KIFAP3: variants seen among roughly 807,000 people sequenced by gnomAD.
KIFAP3 encodes kinesin-associated protein 3.
In KIFAP3, 68 loss-of-function variants were observed where a neutral mutation model predicts 106.5. The ratio of observed to expected loss-of-function variants is 0.64; its 90% CI spans 0.53 to 0.78. KIFAP3 has a LOEUF of 0.78. KIFAP3 is among the 30% of genes least tolerant of loss of function. The pLI is 0.00. For missense variants in KIFAP3, 780 were observed against 941.8 expected (o/e 0.83, Z 2.25); for synonymous variants, 320 against 311.5 (o/e 1.03, Z -0.29).
chr1:169,956,793 C>T (rs773210026), intron 18 of KIFAP3, among the ~76,000 whole-genome samples: 72 of 151,946 alleles, frequency 4.7e-4, no homozygotes, highest in Non-Finnish European at 7.1e-4. Flanking sequence ...GTTGTAGAGA[C>T]GGGGTATTTC....
chr1:169,978,266 G>A lies in KIFAP3; in HGVS notation c.1799-83C>T, dbSNP rs1281090846. 5.8e-6 allele frequency: 5 copies of A among 864,058 alleles called. No individual in the cohort carries two copies. The Admixed American group carries it at 6.5e-5, about 11-fold the overall frequency. 53.5% of individuals were successfully genotyped at this position (864,058 alleles called of 1,614,324 possible). A position where few individuals can be genotyped will look rare whatever the true frequency, so the allele number is the denominator to read the frequency against. ...ATAATTGAGGGGAATAATATAGAAC[G>A]AGAAAAACTAAAAGTGATAAGGAGA... On this transcript the variant is annotated intron_variant, in intron 15 of 19. Coordinates refer to ENST00000361580, the MANE Select transcript of KIFAP3 (RefSeq NM_014970.4).
chr1:170,039,151 T>G, intron 4 of KIFAP3, 82 bp downstream of exon 4: 1 of 716,102 alleles, frequency 1.4e-6, no homozygotes, highest in Non-Finnish European at 2.3e-6. Flanking sequence ...ATGTGCTTAA[T>G]GTGATTGTGT....
At chr1:170,059,462 G>C (rs990152945) in intron 1 of KIFAP3, among the ~76,000 whole-genome samples, 2 of 152,106 alleles carry the variant, frequency 1.3e-5, no homozygotes, top group African/African-American at 4.8e-5. Context: ...ACTAAACCAG[G>C]AAGAAGGTGA....
chr1:170,034,633 C>T (rs1669584067), intron 6 of KIFAP3, 137 bp from the exon 7 acceptor site: 3 of 432,550 alleles, frequency 6.9e-6, no homozygotes, highest in Non-Finnish European at 1.2e-5. Flanking sequence ...AATATATCCA[C>T]AATACACTAG....
Position 170,016,494 on chromosome 1 carries a change from A to G in KIFAP3, c.1151T>C (p.Val384Ala), listed in dbSNP as rs369373148. The G allele has an allele frequency of 6.2e-6, 10 of 1,608,086 alleles. No individual in the cohort carries two copies. Among genetic ancestry groups the G allele is most frequent in the South Asian group, 1.1e-5 (1 of 89,832 alleles). Residue 384 changes from valine to alanine, a missense_variant, in exon 10 of 20, where the codon GTT (valine) becomes GCT (alanine). Transcript: ENST00000361580. ...DTGLRNKMVQ[V>A]GLLPKLTALL... ...TGCAGTGAGCTTGGGAAGCAGTCCA[A>G]CTTGTACCATCTTATTCCTCAGTCC...
chr1:169,982,879 A>G lies in KIFAP3; in HGVS notation c.1507-12T>C, dbSNP rs750618467. The G allele has an allele frequency of 2.3e-6, 3 of 1,282,302 alleles. No individual in the cohort carries two copies. The highest frequency in any genetic ancestry group is 3.1e-6 in the Non-Finnish European group (3 of 976,240). The allele number at this position is 1,282,302 out of a possible 1,614,324, so 79.4% of individuals were successfully genotyped here. ...TCCCCAACATAATCCTGAATAAAAC[A>G]TAATTTTAATATAAATTTAAATTAT... is the stretch of plus-strand genomic sequence containing the variant. On this transcript the variant is annotated splice_polypyrimidine_tract_variant and intron_variant, in intron 13 of 19. Transcript: ENST00000361580.
At chr1:169,936,154 A>G (rs1011752313) in intron 19 of KIFAP3, among the ~76,000 whole-genome samples, 3 of 151,920 alleles carry the variant, frequency 2.0e-5, no homozygotes, top group Non-Finnish European at 1.5e-5. Flanking sequence ...ATCAATAGCT[A>G]TGATGTCAGT....
At chr1:170,015,754 T>C (rs1471425593) in intron 10 of KIFAP3, among the ~76,000 whole-genome samples, 1 of 152,094 alleles carries the variant, frequency 6.6e-6, no homozygotes, top group Admixed American at 6.6e-5. Context: ...CCCATAAAGA[T>C]GGAAATTGAA....
At chr1:170,069,638 T>C (rs1353207462) in intron 1 of KIFAP3, among the ~76,000 whole-genome samples, 1 of 152,046 alleles carries the variant, frequency 6.6e-6, no homozygotes, top group Non-Finnish European at 1.5e-5. Context: ...AAGTACTTGA[T>C]AAATTAGGAA....
chr1:170,025,993 G>A (rs775977568), intron 8 of KIFAP3, among the ~76,000 whole-genome samples: 12 of 152,134 alleles, frequency 7.9e-5, no homozygotes, highest in East Asian at 1.9e-4. Flanking sequence ...AAGGTGGACC[G>A]TGAATCCAAT....
chr1:170,040,527 A>G (rs1008774708), intron 3 of KIFAP3, among the ~76,000 whole-genome samples: 18 of 152,302 alleles, frequency 1.2e-4, no homozygotes, highest in Middle Eastern at 3.4e-3. Flanking sequence ...TTACTAGTTC[A>G]AAGATATTTT....
chr1:169,946,505 T>G (rs757281052), intron 19 of KIFAP3, among the ~76,000 whole-genome samples: 5 of 152,140 alleles, frequency 3.3e-5, no homozygotes, highest in Non-Finnish European at 7.4e-5. Flanking sequence ...GCTTGTCATC[T>G]GGAGGCAATA....
intron 10 of KIFAP3, among the ~76,000 whole-genome samples, chr1:170,009,089 C>T (rs1381353035): frequency 1.3e-5 from 2 of 151,570 alleles, no homozygotes; most frequent in African/African-American, 4.8e-5. Context: ...GGACATCACA[C>T]ACCAGGACCT....
chr1:170,032,159 T>A, intron 7 of KIFAP3, 175 bp from the exon 8 acceptor site: 3 of 498,276 alleles, frequency 6.0e-6, no homozygotes, highest in South Asian at 3.2e-5. Flanking sequence ...CAGCACTTCT[T>A]ATTTAAGTGC....
intron 17 of KIFAP3, among the ~76,000 whole-genome samples, chr1:169,965,573 AAAAC>A (rs1665567183): frequency 6.6e-6 from 1 of 152,026 alleles, no homozygotes; most frequent in Non-Finnish European, 1.5e-5. Flanking sequence ...ATGCTTTGCA[AAAAC>A]AAACAAAAAT....
At position 169,975,041 on chromosome 1, in the gene KIFAP3, A is replaced by C. The variant is rs973412256; in HGVS notation, c.1898-2443T>G. Among the ~76,000 whole-genome samples, 5 of 152,086 alleles carry C rather than the reference A, an allele frequency of 3.3e-5. No homozygotes were observed. In the East Asian group the frequency reaches 9.6e-4, roughly 29 times the overall value. ...TTACTTACAATACTTAATAAAATAT[A>C]AATGCTATGTAAATAGTTGTTATAC... On this transcript the variant is annotated intron_variant, in intron 16 of 19. Coordinates refer to ENST00000361580, the MANE Select transcript of KIFAP3 (RefSeq NM_014970.4).
intron 1 of KIFAP3, among the ~76,000 whole-genome samples, chr1:170,062,138 T>C (rs889216346): frequency 1.3e-5 from 2 of 150,784 alleles, no homozygotes; most frequent in Non-Finnish European, 2.9e-5. Flanking sequence ...GTTGTGCACA[T>C]GTACCCTAGA....
intron 9 of KIFAP3, among the ~76,000 whole-genome samples, chr1:170,023,880 G>A (rs776267097): frequency 9.2e-5 from 14 of 152,162 alleles, no homozygotes; most frequent in Non-Finnish European, 1.8e-4. Context: ...TATGAATAAA[G>A]AGGGTATCAA....
intron 19 of KIFAP3, among the ~76,000 whole-genome samples, chr1:169,924,413 C>T (rs751853566): frequency 5.3e-5 from 8 of 152,112 alleles, no homozygotes; most frequent in Non-Finnish European, 8.8e-5. Flanking sequence ...AAATTTGAAA[C>T]CAAACTCTAA....
Sources: allele counts gnomAD v4.1 joint callset (sites outside exome capture counted in the v4.1 genomes callset), GRCh38; gene constraint gnomAD v4.1.1; transcripts MANE v1.5; gene names NCBI Gene and HGNC (gene_info 2026-07-23, HGNC 2026-07-21).